ATG7: variants seen among roughly 807,000 people sequenced by gnomAD.
ATG7 encodes the protein autophagy related 7, also known as ubiquitin-like modifier-activating enzyme ATG7.
In ATG7, 70 loss-of-function variants were observed where a neutral mutation model predicts 82.4. The observed-to-expected ratio is 0.85, with a 90% CI of 0.70 to 1.04. The LOEUF (loss-of-function observed/expected upper bound fraction) is 1.04, where lower values mean the gene tolerates loss of function less well. Among genes scored for constraint, ATG7 ranks in the 50% least tolerant of loss-of-function variants. The pLI is 0.00. For synonymous variants in ATG7, 287 were observed against 313.0 expected, an observed-to-expected ratio of 0.92 and a Z score of 0.88; for missense variants, 792 against 864.3, an observed-to-expected ratio of 0.92 and a Z score of 1.05.
chr3:11,568,706 C>A, the ATG7 span: 4 of 1,549,086 alleles, frequency 2.6e-6, no homozygotes, highest in Non-Finnish European at 2.6e-6. This position sits in a 1 kb window ranked among gnomAD's most constrained non-coding sequence, Gnocchi z 5.9. Context: ...GCTTCCCAGG[C>A]GTCATGTGCT....
downstream of ATG7, chr3:11,559,284 G>A: frequency 6.7e-7 from 1 of 1,483,660 alleles, no homozygotes; most frequent in Non-Finnish European, 9.0e-7. Flanking sequence ...GAAGGGCTCT[G>A]CTGCCACTAG....
At chr3:11,441,231 G>A (rs1231338126) in intron 20 of ATG7, among the ~76,000 whole-genome samples, 1 of 151,978 alleles carries the variant, frequency 6.6e-6, no homozygotes, top group Non-Finnish European at 1.5e-5. Context: ...AAGAAAGTTG[G>A]ATTTTTAAAT....
the ATG7 span, among the ~76,000 whole-genome samples, chr3:11,569,174 C>A: frequency 3.6e-3 from 555 of 152,318 alleles, 3 homozygotes; most frequent in African/African-American, 0.013. Context: ...AGTTTCCCAC[C>A]CTCCAACAAA....
At position 11,371,369 on chromosome 3, in the gene ATG7, A is replaced by C. The variant is rs565224543; in HGVS notation, c.1875+6635A>C. 2.5e-4 allele frequency among the ~76,000 whole-genome samples: 38 copies of C among 151,258 alleles called. 1 individual carries two copies. The highest frequency in any genetic ancestry group is 9.3e-4 in the African/African-American group (38 of 41,070). ...CCTGCGAGACAGCGAGTAAAGGGGCACAGCGGAGAAGGCAGGAATGCAGGG... is the reference window on the plus strand; with the variant it reads ...CCTGCGAGACAGCGAGTAAAGGGGCCCAGCGGAGAAGGCAGGAATGCAGGG... On this transcript the variant is annotated intron_variant, in intron 18 of 20. Transcript: ENST00000693202.
At chr3:11,424,559 T>C (rs2082201426) in intron 19 of ATG7, among the ~76,000 whole-genome samples, 1 of 151,408 alleles carries the variant, frequency 6.6e-6, no homozygotes, top group South Asian at 2.1e-4. Flanking sequence ...TAAATTATGG[T>C]GTATTTATTA....
At chr3:11,507,209 GA>G (rs1358572221) in intron 20 of ATG7, among the ~76,000 whole-genome samples, 1 of 152,190 alleles carries the variant, frequency 6.6e-6, no homozygotes, top group South Asian at 2.1e-4. Flanking sequence ...TTGAACCCAG[GA>G]GGCGGAAGTT....
intron 3 of ATG7, among the ~76,000 whole-genome samples, chr3:11,282,979 G>T (rs763478122): frequency 3.3e-5 from 5 of 152,214 alleles, no homozygotes; most frequent in Non-Finnish European, 5.9e-5. Context: ...CAGCCCTGCA[G>T]CTGGGAAAAT....
At chr3:11,424,541 G>A (rs1329462102) in intron 19 of ATG7, among the ~76,000 whole-genome samples, 1 of 151,400 alleles carries the variant, frequency 6.6e-6, no homozygotes, top group Non-Finnish European at 1.5e-5. Flanking sequence ...CTTTAACAGA[G>A]AGCTGATTAA....
intron 20 of ATG7, among the ~76,000 whole-genome samples, chr3:11,478,989 A>AACACACACAAACACAC (rs766632953): frequency 0.037 from 2,694 of 72,966 alleles, 86 homozygotes; most frequent in Non-Finnish European, 0.042. Flanking sequence ...GTATATTTAC[A>AACACACACAAACACAC]ACACACACAC....
intron 18 of ATG7, among the ~76,000 whole-genome samples, chr3:11,374,892 CAAAAAAAAAAAAAAA>C (rs55855960): frequency 2.7e-5 from 2 of 73,522 alleles, no homozygotes; most frequent in Admixed American, 1.7e-4. Flanking sequence ...CAACAGAGCT[CAAAAAAAAAAAAAAA>C]AAAAAAAAAA....
intron 20 of ATG7, among the ~76,000 whole-genome samples, chr3:11,468,104 G>A (rs1194711380): frequency 1.3e-5 from 2 of 152,330 alleles, no homozygotes; most frequent in South Asian, 2.1e-4. Context: ...AGAAGTCTGA[G>A]TCAGAAATTC....
chr3:11,461,232 A>G (rs1244392893), intron 20 of ATG7, among the ~76,000 whole-genome samples: 1 of 152,226 alleles, frequency 6.6e-6, no homozygotes, highest in African/African-American at 2.4e-5. Context: ...CTGCACTGGC[A>G]TTTTACCCAA....
intron 13 of ATG7, among the ~76,000 whole-genome samples, chr3:11,344,808 G>A (rs112339765): frequency 2.2e-4 from 33 of 152,170 alleles, no homozygotes; most frequent in South Asian, 4.1e-4. Flanking sequence ...GGTTGAGGCT[G>A]TAGTGAGCCA....
At chr3:11,558,980 C>G (rs574129358), downstream of ATG7, among the ~76,000 whole-genome samples, 60 of 152,336 alleles carry the variant, frequency 3.9e-4, no homozygotes, top group Non-Finnish European at 6.9e-4. Context: ...CCGGCTAAGT[C>G]AGGCACTTGG....
downstream of ATG7, among the ~76,000 whole-genome samples, chr3:11,560,275 T>C (rs4684790): frequency 0.85 from 129,078 of 152,254 alleles, 54,830 homozygotes; most frequent in African/African-American, 0.9. Context: ...AGCTTTGGTG[T>C]GGAACCTGGG....
intron 1 of ATG7, among the ~76,000 whole-genome samples, chr3:11,276,446 A>G (rs1379126894): frequency 3.3e-5 from 5 of 152,154 alleles, no homozygotes; most frequent in Non-Finnish European, 7.3e-5. Context: ...TGGAAAAAAC[A>G]AAAACCCTCC....
chr3:11,540,862 A>T (rs2070750445), intron 20 of ATG7, among the ~76,000 whole-genome samples: 1 of 101,082 alleles, frequency 9.9e-6, no homozygotes, highest in South Asian at 3.0e-4. Context: ...AGTCTTACTG[A>T]TTTTTCTTTT....
intron 13 of ATG7, chr3:11,346,407 C>T (rs1358506888): frequency 1.3e-5 from 2 of 152,176 alleles, no homozygotes; most frequent in Non-Finnish European, 2.9e-5. Context: ...TAGAAACATA[C>T]TGCCAAATTG....
At chr3:11,558,557 C>T (rs749935353), downstream of ATG7, 1 of 1,559,932 alleles carries the variant, frequency 6.4e-7, no homozygotes, top group Non-Finnish European at 8.7e-7. Flanking sequence ...GCGCTCCCTT[C>T]AGGAGACCAC....
Sources: gnomAD v4.1 joint callset for allele counts (sites outside exome capture counted in the v4.1 genomes callset) on GRCh38, gnomAD v4.1.1 for gene constraint, Gnocchi (gnomAD v3.1) non-coding constraint, MANE v1.5 for transcripts, NCBI Gene and HGNC (gene_info 2026-07-23, HGNC 2026-07-21) for gene names.